Variants in PDILT observed in about 807,000 individuals in gnomAD.
The protein encoded by PDILT is protein disulfide-isomerase-like protein of the testis.
A neutral mutation model predicts 53.7 loss-of-function variants in PDILT; 43 were observed. The observed-to-expected ratio is 0.80, with a 90% CI of 0.63 to 1.03. The LOEUF is 1.03. PDILT is among the 50% of genes least tolerant of loss of function. PDILT has a pLI of 0.00. For missense variants in PDILT, 727 were observed against 712.3 expected (o/e 1.02, Z -0.24); for synonymous variants, 282 against 274.2 (o/e 1.03, Z -0.28).
At chr16:20,398,941 G>T (rs7185389) in intron 2 of PDILT, among the ~76,000 whole-genome samples, 158 bp downstream of exon 2, 48,837 of 152,040 alleles carry the variant, frequency 0.32, 8,082 homozygotes, top group Admixed American at 0.4. Flanking sequence ...TTCTCATCTG[G>T]AGATTGGAGA....
At chr16:20,376,304 A>G in intron 3 of PDILT, 103 bp from the exon 4 acceptor site, 1 of 1,417,264 alleles carries the variant, frequency 7.1e-7, no homozygotes. Context: ...TTCTTGTCTC[A>G]GGCTCCCACC....
In PDILT at chr16:20,360,565, T is replaced by A. The variant is rs754013759; in HGVS notation, c.1506+3A>T. On this transcript the variant is annotated splice_donor_region_variant and intron_variant, in intron 11 of 11. Transcript: ENST00000302451. ...AATTCAGAGTATTTCTGTTGCCCCT[T>A]ACCTCATCCTCATCCTCAATCTTAG... 5 of 1,611,046 alleles carry A rather than the reference T, an allele frequency of 3.1e-6. No homozygotes were observed. The highest frequency in any genetic ancestry group is 2.5e-6 in the Non-Finnish European group (3 of 1,177,250).
At chr16:20,367,869 T>A (rs1223320254) in intron 8 of PDILT, among the ~76,000 whole-genome samples, 2 of 152,016 alleles carry the variant, frequency 1.3e-5, no homozygotes, top group Non-Finnish European at 2.9e-5. Context: ...CGTGGTGATG[T>A]TGGTCTGGAA....
chr16:20,392,487 G>A (rs1370053091), intron 2 of PDILT, among the ~76,000 whole-genome samples: 1 of 152,054 alleles, frequency 6.6e-6, no homozygotes, highest in Non-Finnish European at 1.5e-5. Flanking sequence ...GGCAGTGTCT[G>A]AAAATAATCT....
At chr16:20,390,787 C>T (rs1489179729) in intron 2 of PDILT, 1 of 152,210 alleles carries the variant, frequency 6.6e-6, no homozygotes, top group East Asian at 1.9e-4. Flanking sequence ...AGCTTGGTCT[C>T]AAATCCAGTC....
chr16:20,382,711 A>G (rs1200491483), intron 3 of PDILT, among the ~76,000 whole-genome samples: 2 of 152,180 alleles, frequency 1.3e-5, no homozygotes, highest in Non-Finnish European at 2.9e-5. Flanking sequence ...TGCAAACATC[A>G]TTTTATCTTC....
Position 20,369,628 on chromosome 16 carries a change from CG to C in PDILT, c.979del (p.Arg327GlyfsTer13). 1 of 1,614,164 alleles carries C rather than the reference CG, an allele frequency of 6.2e-7. No individual in the cohort carries two copies. Among genetic ancestry groups the C allele is most frequent in the African/African-American group, 1.3e-5 (1 of 75,040 alleles). The stretch of plus-strand genomic sequence containing the variant: ...GGATGGGATATCGACCTCTGTGACC[CG>C]GAAGTACTTGAAGACACGTCCATTT... ...PRNGRVFKYF[R>X]VTEVDIPSVQ... On this transcript the variant is annotated frameshift_variant, in exon 8 of 12. Coordinates refer to ENST00000302451, the MANE Select transcript of PDILT (RefSeq NM_174924.2). LOFTEE classifies it high-confidence loss of function.
Position 20,384,626 on chromosome 16 carries a change from G to A in PDILT, c.409+19C>T. On this transcript the variant is annotated intron_variant, in intron 3 of 11. Transcript: ENST00000302451. ...CTTTCCATGAGCATGAAACAAGTGTGACACACAAGCACCATTACCTTTGCA... is the reference window on the plus strand; with the variant it reads ...CTTTCCATGAGCATGAAACAAGTGTAACACACAAGCACCATTACCTTTGCA... The A allele has an allele frequency of 1.2e-6, 2 of 1,613,722 alleles. No homozygotes were observed. The highest frequency in any genetic ancestry group is 8.5e-7 in the Non-Finnish European group (1 of 1,179,908).
chr16:20,369,506 T>C lies in PDILT; in HGVS notation c.1102A>G (p.Ser368Gly), dbSNP rs1567321833. The change falls in exon 8 of 12, where the codon AGT (serine) becomes GGT (glycine). Residue 368 changes from serine (S) to glycine (G), a missense_variant. Coordinates refer to ENST00000302451, the MANE Select transcript of PDILT (RefSeq NM_174924.2). ...AAAAAACCTACTGTGGCATTTTTAC[T>C]CAGGAAGCTGCGGCCAAATTTCTTG... ...SLKKFGRSFL[S>G]KNATKHQSSE... 3 of 1,614,080 alleles carry C rather than the reference T, an allele frequency of 1.9e-6. No individual in the cohort carries two copies. The South Asian group carries it at 3.3e-5, about 18-fold the overall frequency.
chr16:20,396,874 C>A (rs887467005), intron 2 of PDILT, among the ~76,000 whole-genome samples: 1 of 147,706 alleles, frequency 6.8e-6, no homozygotes, highest in African/African-American at 2.5e-5. Flanking sequence ...TGAATAAGAA[C>A]CCAATGGTGA....
At chr16:20,401,067 A>G (rs1461162536) in intron 1 of PDILT, among the ~76,000 whole-genome samples, 1 of 152,234 alleles carries the variant, frequency 6.6e-6, no homozygotes, top group Non-Finnish European at 1.5e-5. Flanking sequence ...GTCAAATGAA[A>G]CCAACAAAGG....
intron 2 of PDILT, among the ~76,000 whole-genome samples, chr16:20,395,633 T>G (rs1418845643): frequency 6.6e-6 from 1 of 152,200 alleles, no homozygotes; most frequent in Non-Finnish European, 1.5e-5. Context: ...TTTCTTTAAA[T>G]GTCATGTTGA....
At chr16:20,386,864 G>A (rs914108663) in intron 2 of PDILT, among the ~76,000 whole-genome samples, 1 of 152,164 alleles carries the variant, frequency 6.6e-6, no homozygotes, top group African/African-American at 2.4e-5. Flanking sequence ...TTCTGAGGGC[G>A]GAAGCTCAGG....
chr16:20,403,949 C>T (rs1033312625), intron 1 of PDILT, among the ~76,000 whole-genome samples: 1 of 152,156 alleles, frequency 6.6e-6, no homozygotes, highest in Non-Finnish European at 1.5e-5. Flanking sequence ...GAAGGGTCTT[C>T]CCGGGCCACT....
At chr16:20,367,035 CTTTCTTTCTTTCTTTCTTTCTTTCT>C (rs1966212561) in intron 8 of PDILT, among the ~76,000 whole-genome samples, 1 of 16,778 alleles carries the variant, frequency 6.0e-5, no homozygotes, top group East Asian at 6.1e-4. Context: ...TTCTTTCTTT[CTTTCTTTCTTTCTTTCTTTCTTTCT>C]TTCTTTCTTT....
rs374024801 is a variant in PDILT at position 20,360,623 on chromosome 16, C to T, written c.1451G>A (p.Gly484Asp). The T allele has an allele frequency of 1.9e-6, 3 of 1,614,090 alleles. No homozygotes were observed. The highest frequency in any genetic ancestry group is 1.3e-5 in the African/African-American group (1 of 75,032). Residue 484 changes from glycine to aspartate, a missense_variant, in exon 11 of 12, where the codon GGC becomes GAC. Coordinates refer to ENST00000302451, the MANE Select transcript of PDILT (RefSeq NM_174924.2). ...GTGGCTTTCCAGGAAGTCAGAGAAG[C>T]CCTTCAGGGTGTGTTCTCCCTTATA... ...VLYKGEHTLK[G>D]FSDFLESHIK...
chr16:20,382,852 A>C (rs1966480099), intron 3 of PDILT, among the ~76,000 whole-genome samples: 1 of 152,222 alleles, frequency 6.6e-6, no homozygotes, highest in Non-Finnish European at 1.5e-5. Context: ...AGTGCTGTCA[A>C]TTCTGGCAGT....
chr16:20,362,501 A>G lies in PDILT; in HGVS notation c.1319T>C (p.Ile440Thr), dbSNP rs761067553. The change falls in exon 10 of 12, where the codon ATT (isoleucine) becomes ACT (threonine). Residue 440 changes from isoleucine (I) to threonine (T), a missense_variant. Physicochemically the swap from Ile to Thr is moderately conservative, Grantham distance 89 (BLOSUM62 -1). Coordinates refer to ENST00000302451, the MANE Select transcript of PDILT (RefSeq NM_174924.2). ...TGTGACATCGATCTTGGCAATGATA[A>G]TTGTGGAGTGGTTTTGATATTTTCT... is the stretch of plus-strand genomic sequence containing the variant. Reference protein sequence around the residue: ...LGRKYQNHSTIIIAKIDVTAN... With the variant: ...LGRKYQNHSTTIIAKIDVTAN... 3.1e-6 allele frequency: 5 copies of G among 1,614,150 alleles called. No homozygotes were observed. Among genetic ancestry groups the G allele is most frequent in the Non-Finnish European group, 4.2e-6 (5 of 1,180,020 alleles).
In PDILT at chr16:20,388,240, G is replaced by A. The variant is rs182753300; in HGVS notation, c.203-3389C>T. 8.5e-5 allele frequency among the ~76,000 whole-genome samples: 13 copies of A among 152,268 alleles called. 1 individual carries two copies. The highest frequency in any genetic ancestry group is 3.3e-4 in the Admixed American group (5 of 15,298). Reference sequence around the variant, plus strand: ...ATGAGAATAGTAATAATAACAACACGTATTGATCCCTTACTGTGCTAAGTA... The same window carrying A: ...ATGAGAATAGTAATAATAACAACACATATTGATCCCTTACTGTGCTAAGTA... On this transcript the variant is annotated intron_variant, in intron 2 of 11. Coordinates refer to ENST00000302451, the MANE Select transcript of PDILT (RefSeq NM_174924.2).
Sources: gnomAD v4.1 joint callset for allele counts (sites outside exome capture counted in the v4.1 genomes callset) on GRCh38, gnomAD v4.1.1 for gene constraint, MANE v1.5 for transcripts, NCBI Gene and HGNC (gene_info 2026-07-23, HGNC 2026-07-21) for gene names.